Variants in TRDN observed in about 807,000 individuals in gnomAD.
TRDN encodes the protein triadin in skeletal muscle.
A neutral mutation model predicts 149.7 loss-of-function variants in TRDN; 161 were observed. The observed-to-expected ratio is 1.08, with a 90% CI of 0.95 to 1.23. TRDN has a LOEUF of 1.23. TRDN is among the 50% of genes most tolerant of loss of function. The pLI, the probability that TRDN is intolerant of heterozygous loss-of-function variation, is 0.00. For missense variants in TRDN, 896 were observed against 823.5 expected, an observed-to-expected ratio of 1.09 and a Z score of -1.08; for synonymous variants, 294 against 250.5, an observed-to-expected ratio of 1.17 and a Z score of -1.64.
chr6:123,385,181 A>C (rs560540996), intron 14 of TRDN, among the ~76,000 whole-genome samples: 1 of 152,262 alleles, frequency 6.6e-6, no homozygotes, highest in African/African-American at 2.4e-5. Flanking sequence ...TAATCCCAGC[A>C]CTTTGGTAGG....
At chr6:123,536,400 C>T (rs1780531333) in intron 4 of TRDN, among the ~76,000 whole-genome samples, 1 of 151,820 alleles carries the variant, frequency 6.6e-6, no homozygotes, top group East Asian at 1.9e-4. Flanking sequence ...TTTTATGATA[C>T]AACTTTCAAA....
rs77898720 is a variant in TRDN, at chr6:123,222,078, C to A, written c.2015-556G>T. Among the ~76,000 whole-genome samples the A allele has an allele frequency of 3.1e-3, 466 of 151,704 alleles. 18 individuals carry two copies. The East Asian group carries it at 0.075, about 25-fold the overall frequency. On this transcript the variant is annotated intron_variant, in intron 39 of 40. Coordinates refer to ENST00000334268, the MANE Select transcript of TRDN (RefSeq NM_006073.4). ...CGCAAATTTATGTAGTGTTGCATAG[C>A]TTGAAACTATTTCTTTGAATCCCTT...
chr6:123,408,503 C>G (rs1252999990), intron 12 of TRDN, among the ~76,000 whole-genome samples: 1 of 151,864 alleles, frequency 6.6e-6, no homozygotes, highest in African/African-American at 2.4e-5. Context: ...CATGGAGAAA[C>G]CCTGTCTCTA....
intron 9 of TRDN, among the ~76,000 whole-genome samples, chr6:123,477,862 G>A (rs1162316190): frequency 1.4e-5 from 2 of 145,022 alleles, no homozygotes; most frequent in East Asian, 2.1e-4. Flanking sequence ...TGAACGATGA[G>A]ATCACATGGA....
chr6:123,375,293 G>T (rs1781465064), intron 19 of TRDN, among the ~76,000 whole-genome samples: 1 of 151,986 alleles, frequency 6.6e-6, no homozygotes, highest in Non-Finnish European at 1.5e-5. Flanking sequence ...TAATCTTTAG[G>T]ATAATTCAGT....
intron 1 of TRDN, among the ~76,000 whole-genome samples, chr6:123,616,117 G>A (rs2145738): frequency 0.031 from 4,697 of 152,144 alleles, 209 homozygotes; most frequent in African/African-American, 0.1. Flanking sequence ...TTGGTATGCC[G>A]AGGCAGGAGG....
intron 1 of TRDN, among the ~76,000 whole-genome samples, chr6:123,584,124 CAGAT>C (rs1442609724): frequency 2.0e-5 from 3 of 151,508 alleles, no homozygotes; most frequent in African/African-American, 7.3e-5. Context: ...GAGGATCAGA[CAGAT>C]ACAGTCATGG....
chr6:123,537,745 G>A (rs1483279245), intron 4 of TRDN, among the ~76,000 whole-genome samples: 1 of 152,178 alleles, frequency 6.6e-6, no homozygotes, highest in Non-Finnish European at 1.5e-5. Flanking sequence ...GGTAGTAGCA[G>A]CAACCAATGG....
chr6:123,424,569 G>A (rs899698279), intron 12 of TRDN, among the ~76,000 whole-genome samples: 14 of 152,124 alleles, frequency 9.2e-5, no homozygotes, highest in African/African-American at 3.4e-4. Flanking sequence ...CTAAAATTCA[G>A]TTGCAATAGG....
intron 38 of TRDN, among the ~76,000 whole-genome samples, chr6:123,226,729 C>G (rs6933718): frequency 0.053 from 8,081 of 151,922 alleles, 637 homozygotes; most frequent in African/African-American, 0.19. Context: ...CACTTACTGT[C>G]TACTTATTCT....
At chr6:123,432,681 C>T (rs1386416080) in intron 12 of TRDN, among the ~76,000 whole-genome samples, 1 of 152,086 alleles carries the variant, frequency 6.6e-6, no homozygotes, top group African/African-American at 2.4e-5. Flanking sequence ...ATTTTTGCAC[C>T]TCCCATTCCA....
intron 1 of TRDN, among the ~76,000 whole-genome samples, chr6:123,626,191 C>A (rs559588139): frequency 1.3e-5 from 2 of 152,058 alleles, no homozygotes; most frequent in African/African-American, 4.8e-5. Context: ...TCATAGAAAG[C>A]ACCTCCTAGG....
intron 12 of TRDN, chr6:123,434,073 C>T (rs533986337): frequency 6.6e-6 from 1 of 152,164 alleles, no homozygotes; most frequent in African/African-American, 2.4e-5. Context: ...CTTGGAATTG[C>T]CAAATTTGAT....
At chr6:123,422,558 T>A (rs4487602) in intron 12 of TRDN, among the ~76,000 whole-genome samples, 9,588 of 152,194 alleles carry the variant, frequency 0.063, 346 homozygotes, top group Non-Finnish European at 0.083. Flanking sequence ...AAAAGCAATC[T>A]AATACATATT....
chr6:123,287,360 G>A (rs889606207), intron 24 of TRDN, among the ~76,000 whole-genome samples: 2 of 152,070 alleles, frequency 1.3e-5, no homozygotes, highest in African/African-American at 4.8e-5. Context: ...AGATTACTGG[G>A]GGAGAATTCT....
intron 23 of TRDN, among the ~76,000 whole-genome samples, chr6:123,325,588 A>G (rs1302235635): frequency 6.6e-6 from 1 of 152,116 alleles, no homozygotes; most frequent in Non-Finnish European, 1.5e-5. Context: ...TAGAGTTATC[A>G]GTTTCAAAAG....
chr6:123,530,595 A>T, intron 4 of TRDN, 30 bp from the exon 5 acceptor site: 1 of 1,163,558 alleles, frequency 8.6e-7, no homozygotes, highest in Non-Finnish European at 1.2e-6. Context: ...ATAATTTTAA[A>T]ACTCTGAAAA....
chr6:123,346,398 T>C lies in TRDN; in HGVS notation c.1369+6141A>G, dbSNP rs1325425385. ...ACGTATAATTCTTTTTATGTATTGT[T>C]GAATTTGATTTTTTATATTTTAGAT... is the stretch of plus-strand genomic sequence containing the variant. On this transcript the variant is annotated intron_variant, in intron 21 of 40. Transcript: ENST00000334268. Among the ~76,000 whole-genome samples the C allele has an allele frequency of 4.6e-5, 7 of 152,192 alleles. No individual in the cohort carries two copies. In the East Asian group the frequency reaches 1.3e-3, roughly 29 times the overall value.
At chr6:123,304,484 C>T (rs1398112522) in intron 24 of TRDN, among the ~76,000 whole-genome samples, 2 of 151,902 alleles carry the variant, frequency 1.3e-5, no homozygotes, top group African/African-American at 4.8e-5. Context: ...GATCTCCTGA[C>T]CTCATGATCC....
Sources: allele counts gnomAD v4.1 joint callset (sites outside exome capture counted in the v4.1 genomes callset), GRCh38; gene constraint gnomAD v4.1.1; transcripts MANE v1.5; gene names NCBI Gene and HGNC (gene_info 2026-07-23, HGNC 2026-07-21).